The following LAT2 variants were observed in gnomAD, a reference collection of about 807,000 sequenced individuals.
LAT2 encodes the protein linker for activation of T cells family member 2, also known as linker for activation of T-cells family member 2.
In LAT2, 23 loss-of-function variants were observed where a neutral mutation model predicts 43.4. The ratio of observed to expected loss-of-function variants is 0.53; its 90% CI spans 0.38 to 0.75. The LOEUF (loss-of-function observed/expected upper bound fraction) is 0.75. LAT2 is among the 30% of genes least tolerant of loss of function. LAT2 has a pLI of 0.00. For synonymous variants in LAT2, 128 were observed against 123.2 expected (o/e 1.04, Z -0.26); for missense variants, 284 against 310.2 (o/e 0.92, Z 0.64).
chr7:74,217,753 G>A (rs1283649361), intron 4 of LAT2, among the ~76,000 whole-genome samples: 2 of 152,184 alleles, frequency 1.3e-5, no homozygotes, highest in African/African-American at 4.8e-5. Context: ...GTGGCCACAG[G>A]TGTCCTTTGA....
At chr7:74,218,886 G>A (rs1000276920) in intron 4 of LAT2, among the ~76,000 whole-genome samples, 6 of 151,746 alleles carry the variant, frequency 4.0e-5, no homozygotes, top group Admixed American at 6.6e-5. Flanking sequence ...TAGTAGAGAC[G>A]GGGTTTTCTC....
intron 13 of LAT2, 175 bp downstream of exon 13, chr7:74,224,935 C>A: frequency 1.9e-6 from 1 of 521,028 alleles, no homozygotes; most frequent in Non-Finnish European, 3.4e-6. Context: ...TTCCTCTGTT[C>A]TGGCCAGGGG....
At position 74,224,750 on chromosome 7, in the gene LAT2, C is replaced by A; in HGVS notation, c.*8C>A. 6.3e-7 allele frequency: 1 copy of A among 1,575,460 alleles called. No individual in the cohort carries two copies. The highest frequency in any genetic ancestry group is 8.6e-7 in the Non-Finnish European group (1 of 1,159,686). ...GCAGCCACAGAAGCCTAGGGCAGAC[C>A]AAGAAGAAAGGTACAGCCCCTGCTC... On this transcript the variant is annotated 3_prime_UTR_variant, in exon 13 of 14. Coordinates refer to ENST00000460943, the MANE Select transcript of LAT2 (RefSeq NM_032464.3).
rs1481185299 is a variant in LAT2 at position 74,220,459 on chromosome 7, G to T, written c.266-125G>T. The T allele has an allele frequency of 8.2e-6, 11 of 1,336,800 alleles. No individual in the cohort carries two copies. In the African/African-American group the frequency reaches 1.3e-4, roughly 16 times the overall value. 82.8% of individuals were successfully genotyped at this position (1,336,800 alleles called of 1,614,324 possible). A position where few individuals can be genotyped will look rare whatever the true frequency, so the allele number is the denominator to read the frequency against. ...GCACACTCGCACATGCCCCACTGAG[G>T]GGACAGGGAGCACTGCAAAGGCTCA... On this transcript the variant is annotated intron_variant, in intron 7 of 13. Coordinates refer to ENST00000460943, the MANE Select transcript of LAT2 (RefSeq NM_032464.3). The surrounding 1 kb of genome is among the most constrained non-coding windows in gnomAD (Gnocchi z 4.5).
At chr7:74,216,991 G>T in intron 4 of LAT2, 127 bp downstream of exon 4, 1 of 768,402 alleles carries the variant, frequency 1.3e-6, no homozygotes, top group Non-Finnish European at 2.2e-6. Context: ...AGTTCTAGTG[G>T]GTCCCTAGCC....
chr7:74,218,799 C>T (rs111341960), intron 4 of LAT2, among the ~76,000 whole-genome samples: 4,907 of 152,250 alleles, frequency 0.032, 275 homozygotes, highest in African/African-American at 0.11. Flanking sequence ...TGGCTTCAAG[C>T]GATTCTCCTG....
In LAT2 at chr7:74,214,143, T is replaced by A. The variant is rs1198388245; in HGVS notation, c.-218-679T>A. ...ATATATATAAATATATATATGAAAA[T>A]ATATATAAATATATATATGAAAATA... On this transcript the variant is annotated intron_variant, in intron 1 of 13. Coordinates refer to ENST00000460943, the MANE Select transcript of LAT2 (RefSeq NM_032464.3). Among the ~76,000 whole-genome samples, 891 of 100,552 alleles carry A rather than the reference T, an allele frequency of 8.9e-3. 16 individuals carry two copies. Among genetic ancestry groups the A allele is most frequent in the Non-Finnish European group, 0.012 (679 of 56,250 alleles). 66.0% of individuals were successfully genotyped at this position (100,552 alleles called of 152,430 possible). A position where few individuals can be genotyped will look rare whatever the true frequency, so the allele number is the denominator to read the frequency against.
chr7:74,229,499 T>G lies in LAT2; in HGVS notation c.*574T>G. Reference sequence around the variant, plus strand: ...GTGGGGCCCTGGCTCTCTTCCCCTTTGGTGGGACCTCCCCTTTCTTTGGGC... The same window carrying G: ...GTGGGGCCCTGGCTCTCTTCCCCTTGGGTGGGACCTCCCCTTTCTTTGGGC... On this transcript the variant is annotated 3_prime_UTR_variant, in exon 14 of 14. Transcript: ENST00000460943. 6.5e-6 allele frequency: 1 copy of G among 152,724 alleles called. No individual in the cohort carries two copies. Among genetic ancestry groups the G allele is most frequent in the Non-Finnish European group, 1.5e-5 (1 of 68,072 alleles). 9.5% of individuals were successfully genotyped at this position (152,724 alleles called of 1,614,324 possible).
At chr7:74,221,756 C>A in intron 10 of LAT2, 64 bp downstream of exon 10, 1 of 1,417,962 alleles carries the variant, frequency 7.1e-7, no homozygotes, top group Non-Finnish European at 9.8e-7. Context: ...AGAAGCCATA[C>A]CTCCAGGCAG....
chr7:74,220,368 TC>T lies in LAT2; in HGVS notation c.265+118del. ...GGGGGCTGCGGGGCCAGGCGAGGCC[TC>T]CCCAGGAGAGACACACAGGCTGGGG... On this transcript the variant is annotated intron_variant, in intron 7 of 13. Transcript: ENST00000460943. The surrounding 1 kb of genome is among the most constrained non-coding windows in gnomAD (Gnocchi z 4.5). The T allele has an allele frequency of 1.5e-6, 2 of 1,327,076 alleles. No individual in the cohort carries two copies. Among genetic ancestry groups the T allele is most frequent in the African/African-American group, 1.5e-5 (1 of 68,838 alleles). The allele number at this position is 1,327,076 out of a possible 1,614,324, so 82.2% of individuals were successfully genotyped here.
At position 74,214,982 on chromosome 7, in the gene LAT2, AG is replaced by A. The variant is rs1185188470; in HGVS notation, c.-55del. 2 of 150,952 alleles carry A rather than the reference AG, an allele frequency of 1.3e-5. No individual in the cohort carries two copies. The highest frequency in any genetic ancestry group is 2.9e-5 in the Non-Finnish European group (2 of 67,836). 9.4% of individuals were successfully genotyped at this position (150,952 alleles called of 1,614,324 possible). On this transcript the variant is annotated 5_prime_UTR_variant, in exon 2 of 14. Transcript: ENST00000460943. The stretch of plus-strand genomic sequence containing the variant: ...AACAGTTCTTGGAAACCCACTCGAG[AG>A]GGCCACGCCTCCATTCACCAGGCCA...
chr7:74,228,259 A>G (rs1426292953), intron 13 of LAT2, among the ~76,000 whole-genome samples: 13 of 139,428 alleles, frequency 9.3e-5, no homozygotes, highest in South Asian at 2.3e-4. Context: ...GGCGGATCAC[A>G]AGGTCAGGAG....
Position 74,224,897 on chromosome 7 carries a change from G to A in LAT2, c.*18+137G>A, listed in dbSNP as rs1009024520. 96 of 616,492 alleles carry A rather than the reference G, an allele frequency of 1.6e-4. 1 individual carries two copies. In the South Asian group the frequency reaches 1.8e-3, roughly 11 times the overall value. 38.2% of individuals were successfully genotyped at this position (616,492 alleles called of 1,614,324 possible). A position where few individuals can be genotyped will look rare whatever the true frequency, so the allele number is the denominator to read the frequency against. On this transcript the variant is annotated intron_variant, in intron 13 of 13. Coordinates refer to ENST00000460943, the MANE Select transcript of LAT2 (RefSeq NM_032464.3). ...GGGGCTACAGGGTGCACCCATGGGT[G>A]CTCCAAGAGGGCAGCTTGGCGACTC...
Position 74,223,728 on chromosome 7 carries a change from T to C in LAT2, c.393T>C (p.Asp131=). 4 of 1,613,936 alleles carry C rather than the reference T, an allele frequency of 2.5e-6. No homozygotes were observed. The highest frequency in any genetic ancestry group is 2.2e-5 in the East Asian group (1 of 44,860). Reference sequence around the variant, plus strand: ...CCACTCCTCTCTCTCCTGCAGATGATGATGCCAATTCCTACGAGAATGTGC... The same window carrying C: ...CCACTCCTCTCTCTCCTGCAGATGACGATGCCAATTCCTACGAGAATGTGC... ...WGRFSKPPED[D]DANSYENVLI... is the part of the protein sequence containing the mutation. The change falls in exon 11 of 14, where the codon GAT becomes GAC. Residue 131 remains aspartate (D), a synonymous_variant. Transcript: ENST00000460943.
In LAT2 at chr7:74,224,179, G is replaced by T; in HGVS notation, c.610G>T (p.Glu204Ter). ...CTCAGCATCCATCCATCAGTGGCGC[G>T]AGTCCAGGAAGGTCATGGGTAGGTG... Reference protein sequence around the residue: ...QNSASIHQWRESRKVMGQLQR... With the variant: ...QNSASIHQWR Residue 204 changes from glutamate (E) to a stop codon, truncating the protein, a stop_gained, in exon 12 of 14, where the codon GAG (glutamate) becomes TAG (stop). Transcript: ENST00000460943. LOFTEE classifies it high-confidence loss of function. 1 of 1,613,776 alleles carries T rather than the reference G, an allele frequency of 6.2e-7. No individual in the cohort carries two copies.
chr7:74,223,654 G>C, intron 10 of LAT2, 70 bp from the exon 11 acceptor site: 1 of 1,431,888 alleles, frequency 7.0e-7, no homozygotes, highest in Non-Finnish European at 9.8e-7. Context: ...AGGCAGGACA[G>C]AGCGGGAGGA....
chr7:74,214,757 ATAT>A (rs1801963388), intron 1 of LAT2, 62 bp from the exon 2 acceptor site: 5 of 92,156 alleles, frequency 5.4e-5, no homozygotes, highest in African/African-American at 2.0e-4. Flanking sequence ...AAATATATAT[ATAT>A]AAACATATAT....
intron 9 of LAT2, 98 bp from the exon 10 acceptor site, chr7:74,221,539 T>C: frequency 1.4e-6 from 1 of 739,736 alleles, no homozygotes; most frequent in Non-Finnish European, 2.2e-6. Flanking sequence ...AGAGGAGCAA[T>C]GGTGGGAGCA....
intron 1 of LAT2, among the ~76,000 whole-genome samples, chr7:74,214,377 A>AATATATATATATATATATATGAAC (rs372490464): frequency 3.2e-4 from 14 of 43,340 alleles, no homozygotes; most frequent in Non-Finnish European, 4.8e-4. Flanking sequence ...TATATATGAA[A>AATATATATATATATATATATGAAC]ATATATATAT....
Sources: allele counts gnomAD v4.1 joint callset (sites outside exome capture counted in the v4.1 genomes callset), GRCh38; gene constraint gnomAD v4.1.1; non-coding constraint Gnocchi (gnomAD v3.1); transcripts MANE v1.5; gene names NCBI Gene and HGNC (gene_info 2026-07-23, HGNC 2026-07-21).